The following CEP128 variants were observed in gnomAD, a reference collection of about 807,000 sequenced individuals.
CEP128 encodes centrosomal protein 128, also known as centrosomal protein 128kDa.
Under a neutral mutation model 156.7 loss-of-function variants are expected in CEP128, and 132 were observed. The observed-to-expected ratio is 0.84, with a 90% CI of 0.73 to 0.97. The LOEUF (loss-of-function observed/expected upper bound fraction) is 0.97. CEP128 is among the 50% of genes least tolerant of loss of function. CEP128 has a pLI of 0.00. For synonymous variants in CEP128, 469 were observed against 448.9 expected, an observed-to-expected ratio of 1.04 and a Z score of -0.57; for missense variants, 1,252 against 1,281.9, an observed-to-expected ratio of 0.98 and a Z score of 0.36.
chr14:80,684,487 T>C (rs1334506528), intron 19 of CEP128, among the ~76,000 whole-genome samples: 1 of 151,960 alleles, frequency 6.6e-6, no homozygotes, highest in Non-Finnish European at 1.5e-5. Flanking sequence ...CTGGACCAGA[T>C]GGATTCACAG....
intron 19 of CEP128, among the ~76,000 whole-genome samples, chr14:80,622,493 A>G (rs569061340): frequency 0.027 from 4,042 of 149,660 alleles, 189 homozygotes; most frequent in African/African-American, 0.094. Context: ...CTGCACAGCA[A>G]AAGAAACTAC....
intron 19 of CEP128, among the ~76,000 whole-genome samples, chr14:80,671,422 C>T (rs926839186): frequency 6.6e-6 from 1 of 152,128 alleles, no homozygotes; most frequent in Non-Finnish European, 1.5e-5. Flanking sequence ...ATCAGTTATA[C>T]ATGTGTCATC....
chr14:80,788,703 C>T (rs1037157887), intron 14 of CEP128, among the ~76,000 whole-genome samples: 8 of 152,088 alleles, frequency 5.3e-5, no homozygotes, highest in Admixed American at 3.3e-4. Flanking sequence ...CCCTTTAGAA[C>T]AATATGATCC....
rs940044618 is a variant in CEP128 at position 80,610,349 on chromosome 14, A to G, written c.2807-29926T>C. On this transcript the variant is annotated intron_variant, in intron 19 of 24. Coordinates refer to ENST00000555265, the MANE Select transcript of CEP128 (RefSeq NM_152446.5). ...ACTATCACTAATTTAACATTGTTTTATGTTTTGATAACTTAGAAGAGGTAT... is the reference window on the plus strand; with the variant it reads ...ACTATCACTAATTTAACATTGTTTTGTGTTTTGATAACTTAGAAGAGGTAT... Among the ~76,000 whole-genome samples the G allele has an allele frequency of 4.9e-4, 74 of 152,212 alleles. 1 individual carries two copies. Among genetic ancestry groups the G allele is most frequent in the African/African-American group, 1.6e-3 (67 of 41,562 alleles).
At chr14:80,831,471 T>C (rs370070597) in intron 12 of CEP128, among the ~76,000 whole-genome samples, 177 bp from the exon 13 acceptor site, 4 of 152,184 alleles carry the variant, frequency 2.6e-5, no homozygotes, top group African/African-American at 9.6e-5. Flanking sequence ...CAAAAACATA[T>C]ACATTGCTAT....
chr14:80,772,369 A>G (rs1234066537), intron 16 of CEP128, among the ~76,000 whole-genome samples: 1 of 152,126 alleles, frequency 6.6e-6, no homozygotes, highest in African/African-American at 2.4e-5. Context: ...GTTGGAGAGG[A>G]GATCAGCTGC....
intron 13 of CEP128, among the ~76,000 whole-genome samples, chr14:80,822,252 G>A (rs1048385271): frequency 6.6e-5 from 10 of 152,058 alleles, no homozygotes; most frequent in African/African-American, 1.9e-4. Context: ...AGTCTCTTCC[G>A]CCCATAAGCC....
chr14:80,874,967 A>G (rs1424214904), intron 8 of CEP128, among the ~76,000 whole-genome samples: 1 of 152,236 alleles, frequency 6.6e-6, no homozygotes, highest in African/African-American at 2.4e-5. Context: ...TAATAAGGAA[A>G]TATAAGAATA....
At chr14:80,763,983 AT>A (rs1191702415) in intron 16 of CEP128, among the ~76,000 whole-genome samples, 2 of 152,282 alleles carry the variant, frequency 1.3e-5, no homozygotes, top group East Asian at 3.9e-4. Flanking sequence ...GACTGCCCAT[AT>A]TTTACATCTA....
chr14:80,669,474 A>G (rs1255415918), intron 19 of CEP128, among the ~76,000 whole-genome samples: 1 of 152,184 alleles, frequency 6.6e-6, no homozygotes, highest in Non-Finnish European at 1.5e-5. Flanking sequence ...GAAGAAAAAA[A>G]AACAGAAATA....
downstream of CEP128, among the ~76,000 whole-genome samples, chr14:80,494,224 G>A (rs966898896): frequency 1.3e-5 from 2 of 152,070 alleles, no homozygotes; most frequent in Non-Finnish European, 2.9e-5. Context: ...TCCAGCTAAG[G>A]TTCATAATTT....
At position 80,904,937 on chromosome 14, in the gene CEP128, C is replaced by A. The variant is rs1216561356; in HGVS notation, c.362-6G>T. 1 of 1,484,422 alleles carries A rather than the reference C, an allele frequency of 6.7e-7. No individual in the cohort carries two copies. The highest frequency in any genetic ancestry group is 1.7e-5 in the Admixed American group (1 of 59,854). 92.0% of individuals were successfully genotyped at this position (1,484,422 alleles called of 1,614,324 possible). A position where few individuals can be genotyped will look rare whatever the true frequency, so the allele number is the denominator to read the frequency against. On this transcript the variant is annotated splice_region_variant and splice_polypyrimidine_tract_variant and intron_variant, in intron 5 of 24. Coordinates refer to ENST00000555265, the MANE Select transcript of CEP128 (RefSeq NM_152446.5). ...AGGTGGAAAATGATGGAGCTCTTCACAAGTGAAAGAAAAGGGAAGGTATTA... is the reference window on the plus strand; with the variant it reads ...AGGTGGAAAATGATGGAGCTCTTCAAAAGTGAAAGAAAAGGGAAGGTATTA...
intron 23 of CEP128, among the ~76,000 whole-genome samples, chr14:80,512,305 C>A (rs770829917): frequency 5.3e-5 from 8 of 151,946 alleles, no homozygotes; most frequent in Non-Finnish European, 1.0e-4. Flanking sequence ...CCTGAATGCA[C>A]CCCTTTATCA....
chr14:80,643,751 C>T (rs753623775), intron 19 of CEP128, among the ~76,000 whole-genome samples: 80 of 151,598 alleles, frequency 5.3e-4, no homozygotes, highest in Non-Finnish European at 9.4e-4. Context: ...CAGCAATATA[C>T]AGCCAAAAAG....
In CEP128 at chr14:80,838,287, T is replaced by C. The variant is rs1886186789; in HGVS notation, c.850-9A>G. 6.2e-7 allele frequency: 1 copy of C among 1,606,698 alleles called. No individual in the cohort carries two copies. The highest frequency in any genetic ancestry group is 1.3e-5 in the African/African-American group (1 of 74,712). On this transcript the variant is annotated splice_polypyrimidine_tract_variant and intron_variant, in intron 10 of 24. Coordinates refer to ENST00000555265, the MANE Select transcript of CEP128 (RefSeq NM_152446.5). ...TCCAATTCCTGTTCAAGCTAGAGTT[T>C]CAACAAAGGATAAAGAAAAATGCCC...
At chr14:80,559,534 T>G (rs1044424333) in intron 20 of CEP128, among the ~76,000 whole-genome samples, 15 of 152,174 alleles carry the variant, frequency 9.9e-5, no homozygotes, top group African/African-American at 3.6e-4. Context: ...TAAGAGTAAA[T>G]GCTACAATTC....
rs150091411 is a variant in CEP128, at chr14:80,593,412, G to C, written c.2807-12989C>G. ...AAAAATTAGCCAGGCATGGTGGAAG[G>C]CGCCTGTAGTCCCAGCTACTCGGGT... On this transcript the variant is annotated intron_variant, in intron 19 of 24. Coordinates refer to ENST00000555265, the MANE Select transcript of CEP128 (RefSeq NM_152446.5). 1.2e-3 allele frequency among the ~76,000 whole-genome samples: 186 copies of C among 151,868 alleles called. 4 individuals are homozygous for C. The Middle Eastern group carries it at 0.027, about 22-fold the overall frequency.
chr14:80,778,469 AAG>A, intron 15 of CEP128, among the ~76,000 whole-genome samples: 1 of 152,316 alleles, frequency 6.6e-6, no homozygotes, highest in Admixed American at 6.5e-5. Context: ...ACTAACTGAT[AAG>A]TTCCCTCGTC....
chr14:80,672,404 C>T (rs1290732476), intron 19 of CEP128, among the ~76,000 whole-genome samples: 1 of 150,476 alleles, frequency 6.6e-6, no homozygotes, highest in African/African-American at 2.4e-5. Flanking sequence ...TATTAAAATA[C>T]TAGTTGAAAT....
Sources: gnomAD v4.1 joint callset for allele counts (sites outside exome capture counted in the v4.1 genomes callset) on GRCh38, gnomAD v4.1.1 for gene constraint, MANE v1.5 for transcripts, NCBI Gene and HGNC (gene_info 2026-07-23, HGNC 2026-07-21) for gene names.